Variants in FRMPD2 observed in about 807,000 individuals in gnomAD.
The protein encoded by FRMPD2 is FERM and PDZ domain-containing protein 2.
A neutral mutation model predicts 140.1 loss-of-function variants in FRMPD2; 96 were observed. The observed-to-expected ratio is 0.69, with a 90% confidence interval of 0.58 to 0.81. The LOEUF is 0.81. Ranked by LOEUF, FRMPD2 falls within the 40% of genes least tolerant of loss-of-function variation. The pLI is 0.00. For missense variants in FRMPD2, 1,240 were observed against 1,447.4 expected, an observed-to-expected ratio of 0.86 and a Z score of 2.32; for synonymous variants, 449 against 547.6, an observed-to-expected ratio of 0.82 and a Z score of 2.52.
intron 10 of FRMPD2, among the ~76,000 whole-genome samples, chr10:48,230,776 T>A (rs868043950): frequency 5.3e-5 from 8 of 152,216 alleles, no homozygotes; most frequent in African/African-American, 1.7e-4. Context: ...TCCTTCAGTA[T>A]CTGAAGAACA....
chr10:48,189,960 G>C (rs183452982), intron 16 of FRMPD2, among the ~76,000 whole-genome samples: 44 of 152,258 alleles, frequency 2.9e-4, no homozygotes, highest in Admixed American at 1.1e-3. Flanking sequence ...ACTACCACTG[G>C]ATGAATGAGG....
chr10:48,226,136 G>T (rs546693462), intron 10 of FRMPD2, among the ~76,000 whole-genome samples: 2 of 152,310 alleles, frequency 1.3e-5, no homozygotes, highest in African/African-American at 4.8e-5. Context: ...CATTTGAACT[G>T]CCCAAGCTTG....
At position 48,240,611 on chromosome 10, in the gene FRMPD2, C is replaced by T. The variant is rs1588849275; in HGVS notation, c.568-119G>A. 6 of 1,377,176 alleles carry T rather than the reference C, an allele frequency of 4.4e-6. No homozygotes were observed. The East Asian group carries it at 1.4e-4, about 32-fold the overall frequency. The allele number at this position is 1,377,176 out of a possible 1,614,324, so 85.3% of individuals were successfully genotyped here. On this transcript the variant is annotated intron_variant, in intron 5 of 28. Coordinates refer to ENST00000374201, the MANE Select transcript of FRMPD2 (RefSeq NM_001018071.4). Reference sequence around the variant, plus strand: ...TGGAATTGTCTGCCCTATACGGTGACCTAAAGATGTGTTCTCTGGCACCCA... The same window carrying T: ...TGGAATTGTCTGCCCTATACGGTGATCTAAAGATGTGTTCTCTGGCACCCA...
chr10:48,182,754 T>C (rs1033675524), intron 20 of FRMPD2, among the ~76,000 whole-genome samples: 22 of 152,276 alleles, frequency 1.4e-4, no homozygotes, highest in Admixed American at 1.3e-3. Flanking sequence ...CCTCGAGTAC[T>C]GCTTTTTGAC....
chr10:48,266,942 G>A (rs1020866145), intron 1 of FRMPD2, among the ~76,000 whole-genome samples: 11 of 152,348 alleles, frequency 7.2e-5, no homozygotes, highest in African/African-American at 2.4e-4. Flanking sequence ...GGTGGTGTCA[G>A]CAGAGGACTA....
At chr10:48,201,459 G>A in intron 14 of FRMPD2, 75 bp from the exon 15 acceptor site, 1 of 1,429,796 alleles carries the variant, frequency 7.0e-7, no homozygotes, top group Non-Finnish European at 9.6e-7. Context: ...GCAAGAAAAT[G>A]CTCGGTCCCT....
Position 48,240,959 on chromosome 10 carries a change from A to G in FRMPD2, c.568-467T>C, listed in dbSNP as rs535425868. 4.9e-4 allele frequency among the ~76,000 whole-genome samples: 74 copies of G among 152,364 alleles called. 1 individual carries two copies. In the South Asian group the frequency reaches 0.015, roughly 31 times the overall value. ...TGCACCACCGTAGCACACCTAATGC[A>G]GTGCCCAATGAATGTTGAATACGTG... On this transcript the variant is annotated intron_variant, in intron 5 of 28. Transcript: ENST00000374201.
chr10:48,201,412 A>G, intron 14 of FRMPD2, 28 bp from the exon 15 acceptor site: 1 of 1,609,164 alleles, frequency 6.2e-7, no homozygotes, highest in Non-Finnish European at 8.5e-7. Flanking sequence ...AGACTTTAAT[A>G]CACTGATCAT....
In FRMPD2 at chr10:48,174,966, G is replaced by A. The variant is rs1179603681; in HGVS notation, c.2990-11C>T. 9.4e-6 allele frequency: 7 copies of A among 742,990 alleles called. No homozygotes were observed. The highest frequency in any genetic ancestry group is 2.7e-5 in the East Asian group (1 of 37,502). The allele number at this position is 742,990 out of a possible 1,614,324, so 46.0% of individuals were successfully genotyped here. ...GCAGGAGTCGGTCACCTGGGAAAGG[G>A]ATAGATGTCATGTCATGACCTGGTG... On this transcript the variant is annotated splice_polypyrimidine_tract_variant and intron_variant, in intron 23 of 28. Transcript: ENST00000374201.
Position 48,157,132 on chromosome 10 carries a change from G to A in FRMPD2, c.*190C>T, listed in dbSNP as rs1427823135. The A allele has an allele frequency of 7.5e-6, 5 of 666,182 alleles. No individual in the cohort carries two copies. The highest frequency in any genetic ancestry group is 3.6e-5 in the African/African-American group (2 of 54,980). The allele number at this position is 666,182 out of a possible 1,614,324, so 41.3% of individuals were successfully genotyped here. A position where few individuals can be genotyped will look rare whatever the true frequency, so the allele number is the denominator to read the frequency against. ...CAAGCTGAAGTGACATTTACTCCCC[G>A]CGGAAGGACACAGGAGGCAGACGAG... On this transcript the variant is annotated 3_prime_UTR_variant, in exon 29 of 29. Coordinates refer to ENST00000374201, the MANE Select transcript of FRMPD2 (RefSeq NM_001018071.4).
At chr10:48,270,836 A>G (rs765066705) in intron 1 of FRMPD2, among the ~76,000 whole-genome samples, 19 of 151,770 alleles carry the variant, frequency 1.3e-4, no homozygotes, top group Admixed American at 3.3e-4. Flanking sequence ...GTTAATCACC[A>G]TCTCCAAAAT....
At chr10:48,269,405 G>T (rs1057511859) in intron 1 of FRMPD2, among the ~76,000 whole-genome samples, 2 of 152,214 alleles carry the variant, frequency 1.3e-5, no homozygotes, top group African/African-American at 2.4e-5. Flanking sequence ...GAGGCGTGTT[G>T]CATGTGGATG....
At chr10:48,185,431 A>T (rs112154703) in intron 18 of FRMPD2, 122 bp downstream of exon 18, 1 of 697,140 alleles carries the variant, frequency 1.4e-6, no homozygotes. Flanking sequence ...TTACCAGAAA[A>T]GGCAGACTGG....
At chr10:48,246,222 G>T (rs377682357) in intron 3 of FRMPD2, among the ~76,000 whole-genome samples, 15 of 152,172 alleles carry the variant, frequency 9.9e-5, no homozygotes, top group African/African-American at 3.4e-4. Flanking sequence ...CTTCCCACAC[G>T]GTTAGCATGA....
In FRMPD2 at chr10:48,192,742, T is replaced by C; in HGVS notation, c.2107A>G (p.Met703Val). 6.2e-7 allele frequency: 1 copy of C among 1,614,188 alleles called. No homozygotes were observed. The highest frequency in any genetic ancestry group is 8.5e-7 in the Non-Finnish European group (1 of 1,180,034). The change falls in exon 16 of 29, where the codon ATG becomes GTG. Residue 703 changes from methionine to valine, a missense_variant. By Grantham distance (21) the Met-to-Val change is conservative (BLOSUM62 1). Around this residue, in one of 6 missense-constraint regions of FRMPD2, gnomAD observed 1,161 missense variants for 1,055.9 expected, o/e 1.10. Coordinates refer to ENST00000374201, the MANE Select transcript of FRMPD2 (RefSeq NM_001018071.4). ...GAAGGLLSTS[M>V]DNFNVDGSKE... is the part of the protein sequence containing the mutation. ...CTGCCGTCCACGTTGAAGTTATCCATTGATGTACTCAGCAGGCCTCCTGCA... is the reference window on the plus strand; with the variant it reads ...CTGCCGTCCACGTTGAAGTTATCCACTGATGTACTCAGCAGGCCTCCTGCA...
chr10:48,272,590 G>A (rs1055176176), intron 1 of FRMPD2, among the ~76,000 whole-genome samples: 3 of 152,218 alleles, frequency 2.0e-5, no homozygotes, highest in African/African-American at 7.2e-5. Flanking sequence ...TTGGGAGCTT[G>A]TGATTGGCCA....
In FRMPD2 at chr10:48,249,086, C is replaced by T; in HGVS notation, c.244G>A (p.Ala82Thr). 2 of 1,613,940 alleles carry T rather than the reference C, an allele frequency of 1.2e-6. No individual in the cohort carries two copies. Among genetic ancestry groups the T allele is most frequent in the East Asian group, 2.2e-5 (1 of 44,884 alleles). The change falls in exon 3 of 29, where the codon GCT becomes ACT. Residue 82 changes from alanine (A) to threonine (T), a missense_variant. Transcript: ENST00000374201. The part of the protein sequence containing the change: ...FQGRVSHIEA[A>T]PFKAPELLQG... ...AGCAGTTCAGGGGCCTTGAAAGGAG[C>T]AGCCTCTATATGAGAAACACGGCCT...
chr10:48,251,952 A>T (rs1291619739), intron 1 of FRMPD2, among the ~76,000 whole-genome samples: 3 of 152,228 alleles, frequency 2.0e-5, no homozygotes, highest in African/African-American at 7.2e-5. Context: ...CCCAAATGAA[A>T]GGTTAAATGA....
At chr10:48,189,253 G>C (rs1838771217) in intron 16 of FRMPD2, among the ~76,000 whole-genome samples, 1 of 152,190 alleles carries the variant, frequency 6.6e-6, no homozygotes, top group Non-Finnish European at 1.5e-5. Context: ...GGGTGTCAGG[G>C]TGGAGGGGAC....
Sources: allele counts gnomAD v4.1 joint callset (sites outside exome capture counted in the v4.1 genomes callset), GRCh38; gene constraint gnomAD v4.1.1; regional missense constraint gnomAD v4.1.1; transcripts MANE v1.5; gene names NCBI Gene and HGNC (gene_info 2026-07-23, HGNC 2026-07-21).